Variants in DEUP1 observed in about 807,000 individuals in gnomAD.
The protein encoded by DEUP1 is deuterosome assembly protein 1.
In DEUP1, 82 loss-of-function variants were observed where a neutral mutation model predicts 87.4. The observed-to-expected ratio is 0.94, with a 90% CI of 0.78 to 1.13. The LOEUF (loss-of-function observed/expected upper bound fraction) is 1.13. DEUP1 is among the 50% of genes most tolerant of loss of function. The pLI, the probability that DEUP1 is intolerant of heterozygous loss-of-function variation, is 0.00. For synonymous variants in DEUP1, 214 were observed against 222.7 expected (o/e 0.96, Z 0.35); for missense variants, 663 against 681.5 (o/e 0.97, Z 0.30).
intron 2 of DEUP1, among the ~76,000 whole-genome samples, chr11:93,341,177 G>A (rs1162849524): frequency 6.6e-6 from 1 of 151,944 alleles, no homozygotes; most frequent in African/African-American, 2.4e-5. Flanking sequence ...CAATGCTTTG[G>A]AAGGCCAAGG....
At chr11:93,368,129 T>C (rs1945514670) in intron 5 of DEUP1, among the ~76,000 whole-genome samples, 1 of 152,218 alleles carries the variant, frequency 6.6e-6, no homozygotes, top group Non-Finnish European at 1.5e-5. Context: ...GAGCAAAAAC[T>C]TGAAGAACTG....
At chr11:93,369,062 C>T (rs1410827042) in intron 5 of DEUP1, among the ~76,000 whole-genome samples, 1 of 152,092 alleles carries the variant, frequency 6.6e-6, no homozygotes, top group African/African-American at 2.4e-5. Flanking sequence ...AAACCATATC[C>T]CCCAGCATAG....
rs530435017 is a variant in DEUP1 at position 93,370,100 on chromosome 11, G to C, written c.460G>C (p.Asp154His). The change falls in exon 6 of 14, where the codon GAC (aspartate) becomes CAC (histidine). Residue 154 changes from aspartate to histidine, a missense_variant. By Grantham distance (81) the Asp-to-His change is moderately conservative. Coordinates refer to ENST00000298050, the MANE Select transcript of DEUP1 (RefSeq NM_181645.4). ...ATTTAGAGCAAAGTCAAGAGAATGG[G>C]ACAAGCAAGAGATATTATATCAGAC... ...EEFRAKSREWDKQEILYQTHL... is the reference protein window; with the variant it reads ...EEFRAKSREWHKQEILYQTHL... 511 of 1,604,788 alleles carry C rather than the reference G, an allele frequency of 3.2e-4. 3 individuals carry two copies. In the South Asian group the frequency reaches 4.3e-3, roughly 14 times the overall value.
At chr11:93,377,868 G>A (rs1323092381) in intron 7 of DEUP1, among the ~76,000 whole-genome samples, 1 of 152,062 alleles carries the variant, frequency 6.6e-6, no homozygotes, top group Non-Finnish European at 1.5e-5. Context: ...ATGAAGCTTA[G>A]TTTCACTGGA....
chr11:93,367,139 G>A (rs1945461776), intron 5 of DEUP1, among the ~76,000 whole-genome samples: 2 of 152,164 alleles, frequency 1.3e-5, no homozygotes, highest in Admixed American at 1.3e-4. Context: ...TATGTGGAGG[G>A]TCTTTCCATA....
intron 11 of DEUP1, among the ~76,000 whole-genome samples, chr11:93,398,909 G>T (rs1947025623): frequency 1.3e-5 from 2 of 151,956 alleles, no homozygotes; most frequent in South Asian, 4.1e-4. Context: ...TTTTAGTAGA[G>T]ATGGGGTTTA....
At chr11:93,340,671 A>G (rs1485033035) in intron 2 of DEUP1, among the ~76,000 whole-genome samples, 1 of 152,242 alleles carries the variant, frequency 6.6e-6, no homozygotes, top group Admixed American at 6.5e-5. Context: ...AGATGTAGAC[A>G]TAGTGACAAA....
Position 93,356,980 on chromosome 11 carries a change from G to A in DEUP1, c.234G>A (p.Leu78=). The A allele has an allele frequency of 1.9e-6, 3 of 1,603,434 alleles. No homozygotes were observed. The highest frequency in any genetic ancestry group is 2.2e-5 in the East Asian group (1 of 44,544). The change falls in exon 4 of 14, where the codon CTG becomes CTA. Residue 78 remains leucine, a synonymous_variant. Transcript: ENST00000298050. ...VGLLRQKLDS[L]EKCNLAMTQN... is the part of the protein sequence containing the mutation. ...TACTTCGACAGAAATTGGACAGTCT[G>A]GAAAAATGTAATTTAGCAATGACTC...
intron 2 of DEUP1, among the ~76,000 whole-genome samples, chr11:93,339,023 A>G (rs1943918441): frequency 6.6e-6 from 1 of 152,090 alleles, no homozygotes; most frequent in Admixed American, 6.5e-5. Context: ...GCTTTCATGG[A>G]CTCTCCAAGG....
intron 2 of DEUP1, among the ~76,000 whole-genome samples, chr11:93,334,111 A>G (rs1943628961): frequency 6.6e-6 from 1 of 152,180 alleles, no homozygotes; most frequent in South Asian, 2.1e-4. Flanking sequence ...TTCCTGAGGT[A>G]CTGTTCCACT....
chr11:93,402,355 A>T (rs77927879), intron 11 of DEUP1, among the ~76,000 whole-genome samples: 1 of 152,042 alleles, frequency 6.6e-6, no homozygotes, highest in African/African-American at 2.4e-5. Context: ...GACAGGTAAT[A>T]ATGGATGCTG....
chr11:93,408,447 T>C lies in DEUP1; in HGVS notation c.1523+20T>C, dbSNP rs370139003. On this transcript the variant is annotated intron_variant, in intron 12 of 13. Transcript: ENST00000298050. ...AGAGAGGTATGCTGGCTCCATTATA[T>C]AAGGGCATAAGTTTAAAAACATGTA... 2.8e-5 allele frequency: 39 copies of C among 1,377,576 alleles called. No individual in the cohort carries two copies. The highest frequency in any genetic ancestry group is 3.5e-5 in the Non-Finnish European group (36 of 1,021,380). The allele number at this position is 1,377,576 out of a possible 1,614,324, so 85.3% of individuals were successfully genotyped here.
chr11:93,368,922 C>T (rs372484768), intron 5 of DEUP1, among the ~76,000 whole-genome samples: 12 of 151,670 alleles, frequency 7.9e-5, no homozygotes, highest in South Asian at 2.1e-4. Context: ...AGCAACAGAG[C>T]GAGACTCCAT....
chr11:93,395,901 A>T (rs1946928699), intron 10 of DEUP1, among the ~76,000 whole-genome samples: 1 of 152,202 alleles, frequency 6.6e-6, no homozygotes, highest in Non-Finnish European at 1.5e-5. Context: ...ATGGACAGTT[A>T]CTCAAACATG....
intron 13 of DEUP1, among the ~76,000 whole-genome samples, chr11:93,432,560 T>A (rs928043729): frequency 6.6e-6 from 1 of 152,186 alleles, no homozygotes; most frequent in African/African-American, 2.4e-5. Flanking sequence ...TGCTCAGGTG[T>A]AGGCAAGACC....
Position 93,437,964 on chromosome 11 carries a change from A to C in DEUP1, c.*245A>C. 3.6e-6 allele frequency: 1 copy of C among 278,960 alleles called. No homozygotes were observed. The highest frequency in any genetic ancestry group is 6.7e-6 in the Non-Finnish European group (1 of 149,284). 17.3% of individuals were successfully genotyped at this position (278,960 alleles called of 1,614,324 possible). A position where few individuals can be genotyped will look rare whatever the true frequency, so the allele number is the denominator to read the frequency against. On this transcript the variant is annotated 3_prime_UTR_variant, in exon 14 of 14. Transcript: ENST00000298050. ...TATAAAATAAACATGACTATTCCAAAAGAGATTTTTTTCCAGTCTAAGGAA... is the reference window on the plus strand; with the variant it reads ...TATAAAATAAACATGACTATTCCAACAGAGATTTTTTTCCAGTCTAAGGAA...
intron 7 of DEUP1, among the ~76,000 whole-genome samples, chr11:93,375,183 G>C (rs1945977673): frequency 6.6e-6 from 1 of 152,036 alleles, no homozygotes; most frequent in Non-Finnish European, 1.5e-5. Flanking sequence ...AGTTCTAGGA[G>C]CTTTTTGGAT....
In DEUP1 at chr11:93,420,336, C is replaced by T. The variant is rs1183593114; in HGVS notation, c.1638+5222C>T. ...AACCACATGATTATCTCAATAGATG[C>T]AGAAAAGGCCTTTGACAAAATTCAA... On this transcript the variant is annotated intron_variant, in intron 13 of 13. Transcript: ENST00000298050. Among the ~76,000 whole-genome samples, 7 of 152,208 alleles carry T rather than the reference C, an allele frequency of 4.6e-5. No individual in the cohort carries two copies. In the East Asian group the frequency reaches 1.3e-3, roughly 29 times the overall value.
At chr11:93,364,550 T>C (rs1032631755) in intron 5 of DEUP1, among the ~76,000 whole-genome samples, 1 of 151,540 alleles carries the variant, frequency 6.6e-6, no homozygotes. Context: ...GCCAAAAAAG[T>C]CAAAAGAAAC....
Sources: gnomAD v4.1 joint callset for allele counts (sites outside exome capture counted in the v4.1 genomes callset) on GRCh38, gnomAD v4.1.1 for gene constraint, MANE v1.5 for transcripts, NCBI Gene and HGNC (gene_info 2026-07-23, HGNC 2026-07-21) for gene names.